Variants in ADAMTS15 observed in about 807,000 individuals in gnomAD.
ADAMTS15 encodes the protein ADAM metallopeptidase with thrombospondin type 1 motif 15, also known as A disintegrin and metalloproteinase with thrombospondin motifs 15.
ADAMTS15 carries 35 observed loss-of-function variants against 79.1 expected under a neutral mutation model. The ratio of observed to expected loss-of-function variants is 0.44; its 90% CI spans 0.34 to 0.59. The LOEUF is 0.59. Among genes scored for constraint, ADAMTS15 ranks in the 20% least tolerant of loss-of-function variants. The pLI is 0.02. For missense variants in ADAMTS15, 1,324 were observed against 1,318.7 expected (o/e 1.00, Z -0.06); for synonymous variants, 616 against 567.3 (o/e 1.09, Z -1.22).
intron 1 of ADAMTS15, among the ~76,000 whole-genome samples, chr11:130,459,972 T>C (rs1938165179): frequency 6.6e-6 from 1 of 152,206 alleles, no homozygotes; most frequent in South Asian, 2.1e-4. Context: ...CTTCTTTGCC[T>C]GTGGAAGGTG....
In ADAMTS15 at chr11:130,462,419, C is replaced by T; in HGVS notation, c.1259-78C>T. On this transcript the variant is annotated intron_variant, in intron 3 of 7. Transcript: ENST00000299164. The surrounding 1 kb of genome is among the most constrained non-coding windows in gnomAD (Gnocchi z 4.3). Reference sequence around the variant, plus strand: ...TTCCTGTTGCCCTTGGTTCATTATCCCCTTACCATTCAGATTCTGGGCTAG... The same window carrying T: ...TTCCTGTTGCCCTTGGTTCATTATCTCCTTACCATTCAGATTCTGGGCTAG... 6.6e-7 allele frequency: 1 copy of T among 1,525,936 alleles called. No homozygotes were observed. Among genetic ancestry groups the T allele is most frequent in the Non-Finnish European group, 8.8e-7 (1 of 1,131,988 alleles). 94.5% of individuals were successfully genotyped at this position (1,525,936 alleles called of 1,614,324 possible).
rs1265629070 is a variant in ADAMTS15 at position 130,462,913 on chromosome 11, G to A, written c.1542+133G>A. ...GCCACGGGACCAGCACTGTTGCATG[G>A]CTGAGCTGTGCCTTCACTGCCCTGT... On this transcript the variant is annotated intron_variant, in intron 4 of 7. Coordinates refer to ENST00000299164, the MANE Select transcript of ADAMTS15 (RefSeq NM_139055.4). This position sits in a 1 kb window ranked among gnomAD's most constrained non-coding sequence, Gnocchi z 4.3. 1.1e-5 allele frequency: 14 copies of A among 1,229,292 alleles called. No homozygotes were observed. Among genetic ancestry groups the A allele is most frequent in the East Asian group, 9.7e-5 (4 of 41,104 alleles). The allele number at this position is 1,229,292 out of a possible 1,614,324, so 76.1% of individuals were successfully genotyped here.
intron 1 of ADAMTS15, among the ~76,000 whole-genome samples, chr11:130,460,310 C>T (rs1302496938): frequency 1.4e-5 from 2 of 146,732 alleles, no homozygotes; most frequent in Admixed American, 6.8e-5. Flanking sequence ...GAGTTTTGCT[C>T]TTGTCGCCCA....
At position 130,473,880 on chromosome 11, in the gene ADAMTS15, C is replaced by T; in HGVS notation, c.*59C>T. The T allele has an allele frequency of 2.0e-6, 3 of 1,509,752 alleles. No individual in the cohort carries two copies. The highest frequency in any genetic ancestry group is 2.6e-6 in the Non-Finnish European group (3 of 1,132,206). The allele number at this position is 1,509,752 out of a possible 1,614,324, so 93.5% of individuals were successfully genotyped here. A position where few individuals can be genotyped will look rare whatever the true frequency, so the allele number is the denominator to read the frequency against. ...CCCCACTGATATGCCAGCGTTCTGC[C>T]AGCTGGAGTAGCGGGCAGAGGACGG... On this transcript the variant is annotated 3_prime_UTR_variant, in exon 8 of 8. Transcript: ENST00000299164.
Position 130,461,474 on chromosome 11 carries a change from TC to T in ADAMTS15, c.958-10del, listed in dbSNP as rs1565393964. ...CTAACTTCGGGCTGGCTTCTGCTTC[TC>T]CCCCACCCGGCAGGACCTGTGTGGA... On this transcript the variant is annotated splice_polypyrimidine_tract_variant and intron_variant, in intron 1 of 7. Transcript: ENST00000299164. 6.2e-7 allele frequency: 1 copy of T among 1,613,940 alleles called. No individual in the cohort carries two copies.
chr11:130,470,945 G>C lies in ADAMTS15; in HGVS notation c.1746G>C (p.Glu582Asp). 6.2e-7 allele frequency: 1 copy of C among 1,613,746 alleles called. No individual in the cohort carries two copies. Among genetic ancestry groups the C allele is most frequent in the South Asian group, 1.1e-5 (1 of 91,042 alleles). The change falls in exon 6 of 8, where the codon GAG (glutamate) becomes GAC (aspartate). Residue 582 changes from glutamate to aspartate, a missense_variant. Physicochemically the swap from Glu to Asp is conservative, Grantham distance 45 (BLOSUM62 2). Coordinates refer to ENST00000299164, the MANE Select transcript of ADAMTS15 (RefSeq NM_139055.4). ...CCTCCGGAAAGAGCTTCCGGGAGGA[G>C]CAGTGTGAGGCTTTCAACGGCTACA... ...SSASGKSFRE[E>D]QCEAFNGYNH... is the part of the protein sequence containing the mutation.
chr11:130,461,457 G>T (rs778628620), intron 1 of ADAMTS15, 32 bp from the exon 2 acceptor site: 3 of 1,613,554 alleles, frequency 1.9e-6, no homozygotes, highest in African/African-American at 1.3e-5. Context: ...CTCTAACTTC[G>T]GGCTGGCTTC....
At chr11:130,455,815 C>T (rs535288047) in intron 1 of ADAMTS15, among the ~76,000 whole-genome samples, 10 of 152,300 alleles carry the variant, frequency 6.6e-5, no homozygotes, top group African/African-American at 2.2e-4. Flanking sequence ...GCCGGGGGCT[C>T]GTTCAACCGG....
At chr11:130,471,560 C>G (rs1024378482) in intron 7 of ADAMTS15, among the ~76,000 whole-genome samples, 177 bp downstream of exon 7, 6 of 152,096 alleles carry the variant, frequency 3.9e-5, no homozygotes, top group African/African-American at 1.2e-4. Context: ...CATTCATTCA[C>G]TCATTCATTC....
Position 130,462,851 on chromosome 11 carries a change from C to A in ADAMTS15, c.1542+71C>A. ...ATGGAGACCCGGGGGCCTCGTCTGC[C>A]CTTGGTCTTCACCAGGAAGGTGCCT... On this transcript the variant is annotated intron_variant, in intron 4 of 7. Transcript: ENST00000299164. The surrounding 1 kb of genome is among the most constrained non-coding windows in gnomAD (Gnocchi z 4.3). The A allele has an allele frequency of 6.6e-7, 1 of 1,525,624 alleles. No individual in the cohort carries two copies. The highest frequency in any genetic ancestry group is 8.8e-7 in the Non-Finnish European group (1 of 1,133,276). The allele number at this position is 1,525,624 out of a possible 1,614,324, so 94.5% of individuals were successfully genotyped here.
chr11:130,464,257 G>A (rs148293930), intron 4 of ADAMTS15, among the ~76,000 whole-genome samples: 1 of 152,334 alleles, frequency 6.6e-6, no homozygotes, highest in Non-Finnish European at 1.5e-5. Flanking sequence ...AATGCAGTCT[G>A]AGAAGCACCA....
chr11:130,462,826 A>T lies in ADAMTS15; in HGVS notation c.1542+46A>T, dbSNP rs1938231526. 6.5e-7 allele frequency: 1 copy of T among 1,542,460 alleles called. No individual in the cohort carries two copies. On this transcript the variant is annotated intron_variant, in intron 4 of 7. Coordinates refer to ENST00000299164, the MANE Select transcript of ADAMTS15 (RefSeq NM_139055.4). This position sits in a 1 kb window ranked among gnomAD's most constrained non-coding sequence, Gnocchi z 4.3. ...CGCTCGGGGACTGCTGGGAGGAGGG[A>T]TGGAGACCCGGGGGCCTCGTCTGCC...
Position 130,473,461 on chromosome 11 carries a change from G to T in ADAMTS15, c.2493G>T (p.Gln831His). Residue 831 changes from glutamine (Q) to histidine (H), a missense_variant, in exon 8 of 8, where the codon CAG becomes CAT. Transcript: ENST00000299164. ...ACAGCGTCCTCAGCCTCTCCAACCA[G>T]GTGGAGCAGCCGGACGACAGGCCCC... Reference protein sequence around the residue: ...LHNSVLSLSNQVEQPDDRPPA... With the variant: ...LHNSVLSLSNHVEQPDDRPPA... 1 of 1,612,376 alleles carries T rather than the reference G, an allele frequency of 6.2e-7. No individual in the cohort carries two copies. The highest frequency in any genetic ancestry group is 8.5e-7 in the Non-Finnish European group (1 of 1,179,696).
In ADAMTS15 at chr11:130,473,449, CCT is replaced by C; in HGVS notation, c.2485_2486del (p.Ser829GlnfsTer50). 2 of 1,612,660 alleles carry C rather than the reference CCT, an allele frequency of 1.2e-6. No individual in the cohort carries two copies. Among genetic ancestry groups the C allele is most frequent in the Non-Finnish European group, 1.7e-6 (2 of 1,179,912 alleles). ...PSVLHNSVLS[L>X]SNQVEQPDDR... ...CTGTCTTGCACAACAGCGTCCTCAG[CCT>C]CTCCAACCAGGTGGAGCAGCCGGAC... On this transcript the variant is annotated frameshift_variant, in exon 8 of 8. Coordinates refer to ENST00000299164, the MANE Select transcript of ADAMTS15 (RefSeq NM_139055.4). LOFTEE classifies it high-confidence loss of function.
In ADAMTS15 at chr11:130,473,788, G is replaced by C. The variant is rs1486624053; in HGVS notation, c.2820G>C (p.Gln940His). 5 of 1,598,384 alleles carry C rather than the reference G, an allele frequency of 3.1e-6. No homozygotes were observed. In the African/African-American group the frequency reaches 5.3e-5, roughly 17 times the overall value. The part of the protein sequence containing the change: ...RDQCNLHRKP[Q>H]ELDFCVLRPC ...AGTGCAACTTGCACCGCAAGCCCCA[G>C]GAGCTGGACTTCTGCGTCCTGAGGC... Residue 940 changes from glutamine to histidine, a missense_variant, in exon 8 of 8, where the codon CAG becomes CAC. Transcript: ENST00000299164.
Position 130,470,158 on chromosome 11 carries a change from A to ATATATATATATATATATATATGTG in ADAMTS15, c.1720+740_1721-740insGTGTATATATATATATATATATAT, listed in dbSNP as rs1565397662. On this transcript the variant is annotated intron_variant, in intron 5 of 7. Transcript: ENST00000299164. ...CATATATATATATATATATGTGTAT[A>ATATATATATATATATATATATGTG]TATATATATATATATATATATATGT... is the stretch of plus-strand genomic sequence containing the variant. 2.2e-3 allele frequency among the ~76,000 whole-genome samples: 110 copies of ATATATATATATATATATATATGTG among 50,006 alleles called. 3 individuals carry two copies. Among genetic ancestry groups the ATATATATATATATATATATATGTG allele is most frequent in the Non-Finnish European group, 3.2e-3 (85 of 26,324 alleles). The allele number at this position is 50,006 out of a possible 152,430, so 32.8% of individuals were successfully genotyped here.
intron 1 of ADAMTS15, 77 bp from the exon 2 acceptor site, chr11:130,461,412 G>T (rs1938195392): frequency 6.2e-7 from 1 of 1,600,064 alleles, no homozygotes; most frequent in African/African-American, 1.3e-5. Context: ...CCTATAGGAT[G>T]TCCTTTCTTC....
At position 130,458,912 on chromosome 11, in the gene ADAMTS15, C is replaced by A. The variant is rs74627151; in HGVS notation, c.958-2577C>A. 7.9e-5 allele frequency among the ~76,000 whole-genome samples: 12 copies of A among 152,156 alleles called. No individual in the cohort carries two copies. The East Asian group carries it at 2.3e-3, about 29-fold the overall frequency. The stretch of plus-strand genomic sequence containing the variant: ...ATCCTTCACTATGCCCTTGCAAGAG[C>A]CTTCATCCCTGCCCTCATCTTGGCT... On this transcript the variant is annotated intron_variant, in intron 1 of 7. Coordinates refer to ENST00000299164, the MANE Select transcript of ADAMTS15 (RefSeq NM_139055.4).
Position 130,473,493 on chromosome 11 carries a change from G to A in ADAMTS15, c.2525G>A (p.Arg842His), listed in dbSNP as rs1169596109. Reference protein sequence around the residue: ...VEQPDDRPPARWVAGSWGPCS... With the variant: ...VEQPDDRPPAHWVAGSWGPCS... ...CAGCCGGACGACAGGCCCCCTGCAC[G>A]CTGGGTGGCTGGCAGCTGGGGGCCG... The change falls in exon 8 of 8, where the codon CGC (arginine) becomes CAC (histidine). Residue 842 changes from arginine (R) to histidine (H), a missense_variant. Arg to His is a conservative substitution (Grantham distance 29). Coordinates refer to ENST00000299164, the MANE Select transcript of ADAMTS15 (RefSeq NM_139055.4). 2 of 1,610,556 alleles carry A rather than the reference G, an allele frequency of 1.2e-6. No homozygotes were observed. Among genetic ancestry groups the A allele is most frequent in the Non-Finnish European group, 8.5e-7 (1 of 1,178,364 alleles).
Sources: gnomAD v4.1 joint callset for allele counts (sites outside exome capture counted in the v4.1 genomes callset) on GRCh38, gnomAD v4.1.1 for gene constraint, Gnocchi (gnomAD v3.1) non-coding constraint, MANE v1.5 for transcripts, NCBI Gene and HGNC (gene_info 2026-07-23, HGNC 2026-07-21) for gene names.